UNC13C: variants seen among roughly 807,000 people sequenced by gnomAD.
The protein encoded by UNC13C is protein unc-13 homolog C.
UNC13C carries 174 observed loss-of-function variants against 245.4 expected under a neutral mutation model. That is an observed-to-expected ratio of 0.71 (90% confidence interval 0.63 to 0.80). The LOEUF (loss-of-function observed/expected upper bound fraction) is 0.80. Ranked by LOEUF, UNC13C falls within the 30% of genes least tolerant of loss-of-function variation. The pLI, the probability that UNC13C is intolerant of heterozygous loss-of-function variation, is 0.00. For synonymous variants in UNC13C, 992 were observed against 895.1 expected (o/e 1.11, Z -1.93); for missense variants, 2,829 against 2,602.9 (o/e 1.09, Z -1.89).
the UNC13C span, among the ~76,000 whole-genome samples, chr15:53,892,853 C>A: frequency 6.6e-6 from 1 of 152,072 alleles, no homozygotes; most frequent in Admixed American, 6.6e-5. Context: ...TATTACCCAC[C>A]TTTTGAAGCT....
intron 32 of UNC13C, among the ~76,000 whole-genome samples, chr15:54,625,481 GT>G (rs1462345004): frequency 6.6e-6 from 1 of 152,064 alleles, no homozygotes; most frequent in Non-Finnish European, 1.5e-5. Flanking sequence ...TGATAAAAAT[GT>G]TTTAAATCTA....
chr15:54,218,847 C>T (rs980804826), intron 4 of UNC13C, among the ~76,000 whole-genome samples: 15 of 152,022 alleles, frequency 9.9e-5, no homozygotes, highest in African/African-American at 3.6e-4. Flanking sequence ...AATTCTACAA[C>T]ATACATTTTT....
chr15:54,503,064 C>A (rs780881495), intron 22 of UNC13C, among the ~76,000 whole-genome samples: 9 of 152,082 alleles, frequency 5.9e-5, no homozygotes, highest in Non-Finnish European at 1.2e-4. Flanking sequence ...AAAATACATT[C>A]TCTGAAGCAA....
chr15:54,393,077 T>C lies in UNC13C; in HGVS notation c.4743T>C (p.Asp1581=), dbSNP rs774794922. The C allele has an allele frequency of 2.5e-6, 4 of 1,609,366 alleles. No homozygotes were observed. The highest frequency in any genetic ancestry group is 3.4e-6 in the Non-Finnish European group (4 of 1,178,004). Residue 1581 remains aspartate, a synonymous_variant, in exon 18 of 33, where the codon GAT becomes GAC. Coordinates refer to ENST00000260323, the MANE Select transcript of UNC13C (RefSeq NM_001080534.3). ...AGAAACAGGATATTCCTCGTGAAGA[T>C]CAGGGACCAACCACCAAGAATTTGG... ...PSKKQDIPRE[D]QGPTTKNLDF... is the part of the protein sequence containing the mutation.
chr15:54,350,138 C>T (rs1019875606), intron 17 of UNC13C, among the ~76,000 whole-genome samples: 9 of 152,030 alleles, frequency 5.9e-5, no homozygotes, highest in Non-Finnish European at 1.0e-4. Context: ...ACTACAGGCG[C>T]CCGACACCAC....
rs776472707 is a variant in UNC13C at position 54,192,298 on chromosome 15, T to C, written c.3072-42732T>C. Reference sequence around the variant, plus strand: ...TTTGTTTTTGTAGTCTTTGTGACTATCATGTATTAGTTTCCTATTGTTGTT... The same window carrying C: ...TTTGTTTTTGTAGTCTTTGTGACTACCATGTATTAGTTTCCTATTGTTGTT... On this transcript the variant is annotated intron_variant, in intron 4 of 32. Transcript: ENST00000260323. Among the ~76,000 whole-genome samples, 149 of 152,194 alleles carry C rather than the reference T, an allele frequency of 9.8e-4. 1 individual carries two copies. Among genetic ancestry groups the C allele is most frequent in the Non-Finnish European group, 3.5e-4 (24 of 68,040 alleles).
rs558509829 is a variant in UNC13C at position 54,044,300 on chromosome 15, C to T, written c.2983+28414C>T. ...AGCAGTATTTCATATTATGGATATA[C>T]CACACTTGTCTATCCATTCATCCCT... is the stretch of plus-strand genomic sequence containing the variant. On this transcript the variant is annotated intron_variant, in intron 2 of 32. Coordinates refer to ENST00000260323, the MANE Select transcript of UNC13C (RefSeq NM_001080534.3). 1.2e-3 allele frequency: 199 copies of T among 171,058 alleles called. 1 individual carries two copies. Among genetic ancestry groups the T allele is most frequent in the African/African-American group, 4.5e-3 (190 of 42,166 alleles). The allele number at this position is 171,058 out of a possible 1,614,324, so 10.6% of individuals were successfully genotyped here.
chr15:54,032,478 G>A (rs770894649), intron 2 of UNC13C, among the ~76,000 whole-genome samples: 3 of 152,128 alleles, frequency 2.0e-5, no homozygotes, highest in Non-Finnish European at 4.4e-5. Context: ...GTAGGGAGTT[G>A]TTTATTTTGT....
intron 30 of UNC13C, among the ~76,000 whole-genome samples, chr15:54,585,826 A>C (rs1898462572): frequency 6.6e-6 from 1 of 152,234 alleles, no homozygotes; most frequent in South Asian, 2.1e-4. Flanking sequence ...TTCTCAAGGT[A>C]AACAATAACT....
At chr15:53,848,350 T>G in the UNC13C span, among the ~76,000 whole-genome samples, 1 of 152,172 alleles carries the variant, frequency 6.6e-6, no homozygotes, top group African/African-American at 2.4e-5. Flanking sequence ...TTTCATTCAT[T>G]TAAAATATTT....
chr15:53,989,614 A>C (rs1024109530), intron 1 of UNC13C, among the ~76,000 whole-genome samples: 1 of 152,056 alleles, frequency 6.6e-6, no homozygotes, highest in African/African-American at 2.4e-5. Context: ...ACAAATAGCC[A>C]AATAGAATAA....
intron 2 of UNC13C, among the ~76,000 whole-genome samples, chr15:54,083,334 C>G (rs1899057439): frequency 6.6e-6 from 1 of 152,184 alleles, no homozygotes; most frequent in Non-Finnish European, 1.5e-5. Flanking sequence ...CCAAACTGGA[C>G]TCAGGGCACA....
chr15:54,490,660 T>C (rs1893658437), intron 19 of UNC13C, among the ~76,000 whole-genome samples: 1 of 143,832 alleles, frequency 7.0e-6, no homozygotes, highest in African/African-American at 2.5e-5. Flanking sequence ...TTGGGAAACT[T>C]TTTTTTTTTT....
the UNC13C span, among the ~76,000 whole-genome samples, chr15:53,889,972 T>G: frequency 7.9e-5 from 12 of 152,146 alleles, no homozygotes; most frequent in Admixed American, 5.9e-4. Context: ...TTATTGAGGA[T>G]TTTTACATCG....
At chr15:54,479,709 A>G (rs11071082) in intron 19 of UNC13C, among the ~76,000 whole-genome samples, 62,661 of 150,464 alleles carry the variant, frequency 0.42, 13,212 homozygotes, top group East Asian at 0.63. Context: ...ATAATGTTGG[A>G]TTCCTTTTAG....
At chr15:54,064,442 A>C (rs759236883) in intron 2 of UNC13C, among the ~76,000 whole-genome samples, 1 of 152,156 alleles carries the variant, frequency 6.6e-6, no homozygotes, top group Non-Finnish European at 1.5e-5. Context: ...TCAGATTTCC[A>C]CTGTGCTCCT....
At chr15:54,204,321 A>AAAC (rs1172943391) in intron 4 of UNC13C, among the ~76,000 whole-genome samples, 13 of 149,214 alleles carry the variant, frequency 8.7e-5, no homozygotes, top group African/African-American at 2.0e-4. Context: ...AAAAAAAAAA[A>AAAC]CCAAAACCAC....
chr15:54,474,403 AT>A (rs1281200466), intron 19 of UNC13C, among the ~76,000 whole-genome samples: 2 of 151,692 alleles, frequency 1.3e-5, no homozygotes, highest in Non-Finnish European at 2.9e-5. Context: ...TGTGGTTTTG[AT>A]TTGCATTGCC....
chr15:54,111,230 T>TG (rs1271904228), intron 2 of UNC13C, among the ~76,000 whole-genome samples: 2 of 152,228 alleles, frequency 1.3e-5, no homozygotes, highest in Admixed American at 1.3e-4. Context: ...TCTTCCTTAG[T>TG]GGCTTCCCAT....
Sources: gnomAD v4.1 joint callset for allele counts (sites outside exome capture counted in the v4.1 genomes callset) on GRCh38, gnomAD v4.1.1 for gene constraint, MANE v1.5 for transcripts, NCBI Gene and HGNC (gene_info 2026-07-23, HGNC 2026-07-21) for gene names.